Variants in COMMD5 observed in about 807,000 individuals in gnomAD.
COMMD5 encodes COMM domain-containing protein 5.
In COMMD5, 10 loss-of-function variants were observed where a neutral mutation model predicts 6.9. That is an observed-to-expected ratio of 1.44 (90% CI 0.89 to 2.45). The LOEUF is 2.45. Among genes scored for constraint, COMMD5 ranks in the 30% most tolerant of loss-of-function variants. COMMD5 has a pLI of 0.00. For synonymous variants in COMMD5, 127 were observed against 125.3 expected, an observed-to-expected ratio of 1.01 and a Z score of -0.09; for missense variants, 234 against 287.8, an observed-to-expected ratio of 0.81 and a Z score of 1.35.
rs376385370 is a variant in COMMD5 at position 144,842,317 on chromosome 8, C to G, written c.*117-574G>C. 2.5e-6 allele frequency: 4 copies of G among 1,613,884 alleles called. No homozygotes were observed. The African/African-American group carries it at 5.3e-5, about 22-fold the overall frequency. ...AGACAGTCCAAGCCTTGTTGCACAT[C>G]AGAGAATTCACGCTGTAGAGAAACC... On this transcript the variant is annotated intron_variant and NMD_transcript_variant, in intron 1 of 1. Coordinates refer to the COMMD5 transcript ENST00000530332.
Position 144,850,814 on chromosome 8 carries a change from G to T in COMMD5, c.525C>A (p.Ser175Arg), listed in dbSNP as rs139395946. ...CTGAAAGCTTCAGCTGCATCAGGACGCTCGGCTGCAGGGAGCGAGCCAGGG... is the reference window on the plus strand; with the variant it reads ...CTGAAAGCTTCAGCTGCATCAGGACTCTCGGCTGCAGGGAGCGAGCCAGGG... ...TSALARSLQP[S>R]VLMQLKLSDG... The change falls in exon 2 of 2, where the codon AGC (serine) becomes AGA (arginine). Residue 175 changes from serine to arginine, a missense_variant. Coordinates refer to ENST00000305103, the MANE Select transcript of COMMD5 (RefSeq NM_014066.4). This position sits in a 1 kb window ranked among gnomAD's most constrained non-coding sequence, Gnocchi z 4.0. 8 of 1,613,832 alleles carry T rather than the reference G, an allele frequency of 5.0e-6. No individual in the cohort carries two copies. Among genetic ancestry groups the T allele is most frequent in the African/African-American group, 4.0e-5 (3 of 74,952 alleles).
chr8:144,849,696 C>T (rs529204957), downstream of COMMD5, among the ~76,000 whole-genome samples: 63 of 152,270 alleles, frequency 4.1e-4, no homozygotes, highest in South Asian at 5.6e-3. Flanking sequence ...CTGGCTACAA[C>T]CCCTGCACAC....
chr8:144,840,468 G>A (rs1173496732), downstream of COMMD5, among the ~76,000 whole-genome samples: 1 of 152,208 alleles, frequency 6.6e-6, no homozygotes, highest in Non-Finnish European at 1.5e-5. Context: ...TTGTGGTTGT[G>A]AACGTGATTG....
rs763042369 is a variant in COMMD5 at position 144,842,480 on chromosome 8, G to A, written c.*117-737C>T. 10 of 1,613,842 alleles carry A rather than the reference G, an allele frequency of 6.2e-6. No individual in the cohort carries two copies. Among genetic ancestry groups the A allele is most frequent in the Admixed American group, 3.3e-5 (2 of 59,984 alleles). On this transcript the variant is annotated intron_variant and NMD_transcript_variant, in intron 1 of 1. Transcript: ENST00000530332. ...TTTGGTTGTAGTTCACGGCTTATTC[G>A]CCATCAGAGAACTCACACTGGAGAA...
At chr8:144,845,991 G>A (rs1435882060), downstream of COMMD5, 52 of 1,536,346 alleles carry the variant, frequency 3.4e-5, no homozygotes, top group East Asian at 4.9e-5. Flanking sequence ...TTTCTGGGCC[G>A]CCCAACCATG....
chr8:144,851,918 G>T (rs1288193117), intron 1 of COMMD5, among the ~76,000 whole-genome samples: 1 of 152,054 alleles, frequency 6.6e-6, no homozygotes, highest in African/African-American at 2.4e-5. Context: ...CCAGCGGATC[G>T]CTTGAGCCCA....
intron 1 of COMMD5, among the ~76,000 whole-genome samples, chr8:144,844,966 T>G (rs910019153): frequency 6.6e-6 from 1 of 151,610 alleles, no homozygotes; most frequent in Non-Finnish European, 1.5e-5. Context: ...GGAAAAGAAC[T>G]TGAGCTGCAG....
At chr8:144,847,687 A>AC (rs1348834900), downstream of COMMD5, among the ~76,000 whole-genome samples, 1 of 152,176 alleles carries the variant, frequency 6.6e-6, no homozygotes, top group Non-Finnish European at 1.5e-5. Flanking sequence ...AGCCCCAGAA[A>AC]TGTTTGCTGA....
At chr8:144,842,916 C>T (rs1459597840) in intron 1 of COMMD5, 16 of 1,614,074 alleles carry the variant, frequency 9.9e-6, no homozygotes, top group Non-Finnish European at 1.4e-5. Context: ...AGAGAATACA[C>T]ACTAGGGCCC....
intron 1 of COMMD5, chr8:144,842,959 G>T (rs1830148802): frequency 6.2e-7 from 1 of 1,614,072 alleles, no homozygotes; most frequent in Admixed American, 1.7e-5. Context: ...TGCCCTGGAA[G>T]GGTCCACCTT....
intron 1 of COMMD5, chr8:144,842,329 G>A (rs768307745): frequency 3.2e-5 from 52 of 1,613,786 alleles, no homozygotes; most frequent in East Asian, 2.7e-4. Context: ...GAGAATTCAC[G>A]CTGTAGAGAA....
At chr8:144,840,688 C>A (rs1829775902), downstream of COMMD5, among the ~76,000 whole-genome samples, 1 of 152,096 alleles carries the variant, frequency 6.6e-6, no homozygotes, top group Non-Finnish European at 1.5e-5. Flanking sequence ...CAGAAACTTG[C>A]AGCCCCAGGG....
At chr8:144,846,193 G>A (rs756344166), downstream of COMMD5, 187 of 1,535,460 alleles carry the variant, frequency 1.2e-4, no homozygotes, top group South Asian at 2.7e-4. Context: ...TCCAGATTCT[G>A]TGCTAACCAT....
intron 1 of COMMD5, chr8:144,842,505 A>G (rs1349242430): frequency 6.2e-7 from 1 of 1,613,876 alleles, no homozygotes; most frequent in Non-Finnish European, 8.5e-7. Flanking sequence ...ACACTGGAGA[A>G]AAACCATTTA....
chr8:144,841,572 GGA>G, exon 2 of COMMD5: 1 of 1,614,154 alleles, frequency 6.2e-7, no homozygotes, highest in Non-Finnish European at 8.5e-7. Flanking sequence ...GTTTGAATGA[GGA>G]GACTGTGGTT....
rs1212920458 is a variant in COMMD5 at position 144,850,546 on chromosome 8, A to G, written c.*118T>C. On this transcript the variant is annotated 3_prime_UTR_variant, in exon 2 of 2. Coordinates refer to ENST00000305103, the MANE Select transcript of COMMD5 (RefSeq NM_014066.4). The surrounding 1 kb of genome is among the most constrained non-coding windows in gnomAD (Gnocchi z 4.0). Reference sequence around the variant, plus strand: ...ACTACATAATTACGTTCAAACACTCACTGAAGAGCCTGCCTCATGGGAAGG... The same window carrying G: ...ACTACATAATTACGTTCAAACACTCGCTGAAGAGCCTGCCTCATGGGAAGG... 7 of 1,061,904 alleles carry G rather than the reference A, an allele frequency of 6.6e-6. No individual in the cohort carries two copies. The highest frequency in any genetic ancestry group is 9.4e-6 in the Non-Finnish European group (7 of 742,856). The allele number at this position is 1,061,904 out of a possible 1,614,324, so 65.8% of individuals were successfully genotyped here.
At position 144,851,721 on chromosome 8, in the gene COMMD5, C is replaced by A. The variant is rs77247260; in HGVS notation, c.-57-326G>T. On this transcript the variant is annotated intron_variant, in intron 1 of 1. Coordinates refer to ENST00000305103, the MANE Select transcript of COMMD5 (RefSeq NM_014066.4). ...GAAAGAATGAACTAGGGGAACGGTC[C>A]GGGGAACACAGGGACACTGCAGCTG... is the stretch of plus-strand genomic sequence containing the variant. Among the ~76,000 whole-genome samples, 1,175 of 152,124 alleles carry A rather than the reference C, an allele frequency of 7.7e-3. 25 individuals are homozygous for A. Among genetic ancestry groups the A allele is most frequent in the East Asian group, 0.064 (329 of 5,150 alleles).
exon 2 of COMMD5, chr8:144,841,580 T>C (rs759127356): frequency 6.2e-7 from 1 of 1,614,096 alleles, no homozygotes; most frequent in African/African-American, 1.3e-5. Flanking sequence ...GAGGAGACTG[T>C]GGTTCCCAAG....
chr8:144,837,996 A>G (rs1232707525), downstream of COMMD5: 5 of 685,238 alleles, frequency 7.3e-6, no homozygotes, highest in African/African-American at 5.3e-5. Context: ...ACAGAAATTT[A>G]TTGTCTCACA....
Sources: gnomAD v4.1 joint callset for allele counts (sites outside exome capture counted in the v4.1 genomes callset) on GRCh38, gnomAD v4.1.1 for gene constraint, Gnocchi (gnomAD v3.1) non-coding constraint, MANE v1.5 for transcripts, NCBI Gene and HGNC (gene_info 2026-07-23, HGNC 2026-07-21) for gene names.